Variants in PRKG2 observed in about 807,000 individuals in gnomAD.
The protein encoded by PRKG2 is protein kinase cGMP-dependent 2, also known as cGMP-dependent protein kinase 2.
Under a neutral mutation model 97.2 loss-of-function variants are expected in PRKG2, and 33 were observed. The observed-to-expected ratio is 0.34, with a 90% confidence interval of 0.26 to 0.45. The LOEUF (loss-of-function observed/expected upper bound fraction) is 0.45. Ranked by LOEUF, PRKG2 falls within the 20% of genes least tolerant of loss-of-function variation. The pLI is 1.00. For synonymous variants in PRKG2, 330 were observed against 321.8 expected, an observed-to-expected ratio of 1.03 and a Z score of -0.27; for missense variants, 638 against 900.0, an observed-to-expected ratio of 0.71 and a Z score of 3.73.
intron 14 of PRKG2, among the ~76,000 whole-genome samples, chr4:81,116,300 C>T (rs987000501): frequency 6.6e-6 from 1 of 152,066 alleles, no homozygotes; most frequent in African/African-American, 2.4e-5. Flanking sequence ...GTTTTCTGTT[C>T]CTGTGTTAGT....
intron 14 of PRKG2, among the ~76,000 whole-genome samples, chr4:81,115,854 CAATAA>C (rs1744462684): frequency 6.6e-6 from 1 of 152,144 alleles, no homozygotes; most frequent in Non-Finnish European, 1.5e-5. Context: ...TTACGTTTCT[CAATAA>C]AGCTTTTATA....
At position 81,177,108 on chromosome 4, in the gene PRKG2, C is replaced by A. The variant is rs1457042236; in HGVS notation, c.462-2149G>T. On this transcript the variant is annotated intron_variant, in intron 2 of 18. Transcript: ENST00000264399. ...AACCTTTCCAAACCTTATACATTCA[C>A]CAAGAAACCCCTCATGATTTTAAAT... Among the ~76,000 whole-genome samples, 6 of 152,122 alleles carry A rather than the reference C, an allele frequency of 3.9e-5. No homozygotes were observed. The East Asian group carries it at 1.2e-3, about 29-fold the overall frequency.
rs141031882 is a variant in PRKG2, at chr4:81,174,810, T to C, written c.611A>G (p.His204Arg). The part of the protein sequence containing the change: ...YIIKQGEPGN[H>R]IFVLAEGRLE... The stretch of plus-strand genomic sequence containing the variant: ...AAACCCACCTGCCAGCACAAAGATA[T>C]GGTTTCCTGGTTCTCCTTGCTTAAT... The change falls in exon 3 of 19, where the codon CAT becomes CGT. Residue 204 changes from histidine (H) to arginine (R), a missense_variant. His to Arg is a conservative substitution (Grantham distance 29). This residue lies in a region of PRKG2 where 332 missense variants were observed against 421.7 expected (regional missense o/e 0.79). Coordinates refer to ENST00000264399, the MANE Select transcript of PRKG2 (RefSeq NM_006259.3). 5.3e-5 allele frequency: 86 copies of C among 1,611,832 alleles called. No individual in the cohort carries two copies. The African/African-American group carries it at 9.1e-4, about 17-fold the overall frequency.
intron 2 of PRKG2, among the ~76,000 whole-genome samples, chr4:81,183,911 T>C (rs746299172): frequency 1.2e-4 from 19 of 152,288 alleles, no homozygotes; most frequent in Non-Finnish European, 2.6e-4. Context: ...ACCACAGCTC[T>C]GCAAAGATGC....
At position 81,141,778 on chromosome 4, in the gene PRKG2, G is replaced by T. The variant is rs71596053; in HGVS notation, c.1407+1016C>A. 9.9e-3 allele frequency among the ~76,000 whole-genome samples: 1,506 copies of T among 152,138 alleles called. 26 individuals carry two copies. The highest frequency in any genetic ancestry group is 0.034 in the African/African-American group (1,411 of 41,510). ...GAATCCTTTTGCCACAAACTTTGAC[G>T]AAAAATACCACTGCAGACAGGTATT... On this transcript the variant is annotated intron_variant, in intron 11 of 18. Coordinates refer to ENST00000264399, the MANE Select transcript of PRKG2 (RefSeq NM_006259.3).
intron 16 of PRKG2, 109 bp from the exon 17 acceptor site, chr4:81,104,541 C>A (rs186584172): frequency 4.7e-4 from 217 of 458,448 alleles, no homozygotes; most frequent in East Asian, 1.6e-3. Context: ...TTAATTAATT[C>A]ATTCATTCAT....
At chr4:81,110,754 G>GAA (rs1743827192) in intron 14 of PRKG2, 143 bp from the exon 15 acceptor site, 1 of 610,516 alleles carries the variant, frequency 1.6e-6, no homozygotes, top group Admixed American at 4.5e-5. Flanking sequence ...CACACAAAGA[G>GAA]AGAGAGAGAG....
chr4:81,138,111 G>C (rs1158961160), intron 12 of PRKG2, among the ~76,000 whole-genome samples: 1 of 152,178 alleles, frequency 6.6e-6, no homozygotes, highest in Non-Finnish European at 1.5e-5. Flanking sequence ...CCCAAAGAGA[G>C]AGTATGATCT....
At position 81,087,461 on chromosome 4, in the gene PRKG2, C is replaced by A. The variant is rs1741214191; in HGVS notation, c.*2247G>T. ...ATAAGTACAATTCTGCATACAGATA[C>A]CAATGATACATAAGATTCAGGACTA... On this transcript the variant is annotated 3_prime_UTR_variant, in exon 19 of 19. Transcript: ENST00000264399. 1 of 151,954 alleles carries A rather than the reference C, an allele frequency of 6.6e-6. No homozygotes were observed. Among genetic ancestry groups the A allele is most frequent in the Non-Finnish European group, 1.5e-5 (1 of 67,956 alleles). The allele number at this position is 151,954 out of a possible 1,614,324, so 9.4% of individuals were successfully genotyped here. A position where few individuals can be genotyped will look rare whatever the true frequency, so the allele number is the denominator to read the frequency against.
intron 6 of PRKG2, among the ~76,000 whole-genome samples, chr4:81,163,089 A>G (rs1225272610): frequency 6.6e-6 from 1 of 152,152 alleles, no homozygotes; most frequent in Non-Finnish European, 1.5e-5. Flanking sequence ...TCCTAGTGGT[A>G]TTTTTCTCCA....
rs767303385 is a variant in PRKG2 at position 81,137,375 on chromosome 4, T to A, written c.1634+18A>T. On this transcript the variant is annotated intron_variant, in intron 13 of 18. Transcript: ENST00000264399. Reference sequence around the variant, plus strand: ...ATAGCCCTTAGGCCAGATGTGAGTATACAAACTTTTTCATTACCTGTCCCT... The same window carrying A: ...ATAGCCCTTAGGCCAGATGTGAGTAAACAAACTTTTTCATTACCTGTCCCT... 1.9e-6 allele frequency: 3 copies of A among 1,563,788 alleles called. No individual in the cohort carries two copies. In the South Asian group the frequency reaches 3.3e-5, roughly 17 times the overall value.
chr4:81,140,459 A>G, intron 12 of PRKG2, 74 bp downstream of exon 12: 1 of 1,290,310 alleles, frequency 7.8e-7, no homozygotes, highest in Non-Finnish European at 1.0e-6. Flanking sequence ...AAATAAAAAT[A>G]AAAATAATTT....
chr4:81,135,148 G>T lies in PRKG2; in HGVS notation c.1776+7C>A, dbSNP rs777126608. ...TATGAGACTGTAAGTGAGAAAAGTT[G>T]TCTTACCAATTTAAGGTAACCCTCA... On this transcript the variant is annotated splice_region_variant and intron_variant, in intron 14 of 18. Transcript: ENST00000264399. 44 of 1,598,712 alleles carry T rather than the reference G, an allele frequency of 2.8e-5. No individual in the cohort carries two copies. The highest frequency in any genetic ancestry group is 3.6e-5 in the Non-Finnish European group (42 of 1,171,872).
At chr4:81,164,590 GC>G (rs1749828509) in intron 6 of PRKG2, among the ~76,000 whole-genome samples, 4 of 152,232 alleles carry the variant, frequency 2.6e-5, no homozygotes, top group Admixed American at 2.6e-4. Context: ...CTAAACCAGT[GC>G]TTCTTAGACT....
intron 2 of PRKG2, among the ~76,000 whole-genome samples, chr4:81,197,888 T>C (rs1447007285): frequency 6.6e-6 from 1 of 152,232 alleles, no homozygotes; most frequent in Admixed American, 6.5e-5. Context: ...TAAATATTTA[T>C]TGCATTGGAT....
At chr4:81,133,905 G>A (rs1455696242) in intron 14 of PRKG2, among the ~76,000 whole-genome samples, 1 of 151,592 alleles carries the variant, frequency 6.6e-6, no homozygotes, top group Admixed American at 6.6e-5. Flanking sequence ...AAGAGATGGA[G>A]CTACTGAATT....
At chr4:81,168,394 T>A (rs1171690230) in intron 5 of PRKG2, among the ~76,000 whole-genome samples, 1 of 152,118 alleles carries the variant, frequency 6.6e-6, no homozygotes, top group Non-Finnish European at 1.5e-5. Context: ...AAGGAAAGAA[T>A]GAATATTCAC....
intron 9 of PRKG2, among the ~76,000 whole-genome samples, chr4:81,148,293 G>C (rs748702372): frequency 1.3e-5 from 2 of 151,994 alleles, no homozygotes; most frequent in Non-Finnish European, 2.9e-5. Context: ...CAGAAATATT[G>C]AGTTGATTAA....
At chr4:81,178,360 G>C (rs1751113628) in intron 2 of PRKG2, among the ~76,000 whole-genome samples, 1 of 151,704 alleles carries the variant, frequency 6.6e-6, no homozygotes, top group Admixed American at 6.6e-5. Context: ...AAGTTACCAG[G>C]CATACTAAGA....
Sources: gnomAD v4.1 joint callset for allele counts (sites outside exome capture counted in the v4.1 genomes callset) on GRCh38, gnomAD v4.1.1 for gene constraint, gnomAD v4.1.1 regional missense constraint, MANE v1.5 for transcripts, NCBI Gene and HGNC (gene_info 2026-07-23, HGNC 2026-07-21) for gene names.